Variants in ULK4 observed in about 807,000 individuals in gnomAD.
The protein encoded by ULK4 is unc-51 like kinase 4.
A neutral mutation model predicts 160.6 loss-of-function variants in ULK4; 133 were observed. That is an observed-to-expected ratio of 0.83 (90% CI 0.72 to 0.96). The LOEUF (loss-of-function observed/expected upper bound fraction) is 0.96, where lower values mean the gene tolerates loss of function less well. Ranked by LOEUF, ULK4 falls within the 40% of genes least tolerant of loss-of-function variation. The probability of loss-of-function intolerance (pLI) is 0.00; values close to 1 mark genes in which losing one functional copy is unlikely to be tolerated. For missense variants in ULK4, 1,580 were observed against 1,499.5 expected, an observed-to-expected ratio of 1.05 and a Z score of -0.89; for synonymous variants, 534 against 539.8, an observed-to-expected ratio of 0.99 and a Z score of 0.15.
At position 41,340,520 on chromosome 3, in the gene ULK4, T is replaced by C. The variant is rs183733508; in HGVS notation, c.3678+57559A>G. ...TTGTCTACTCTGGGCCAAAAAGGAA[T>C]TAACTAGATCAGCACTATCTAATAT... On this transcript the variant is annotated intron_variant, in intron 35 of 36. Transcript: ENST00000301831. 2.3e-3 allele frequency among the ~76,000 whole-genome samples: 352 copies of C among 152,380 alleles called. 3 individuals are homozygous for C. Among genetic ancestry groups the C allele is most frequent in the African/African-American group, 7.9e-3 (330 of 41,594 alleles).
chr3:41,824,600 C>A (rs916444085), intron 18 of ULK4, among the ~76,000 whole-genome samples: 1 of 152,152 alleles, frequency 6.6e-6, no homozygotes, highest in Non-Finnish European at 1.5e-5. Flanking sequence ...AACTGCAAGG[C>A]AGCAGCGATG....
intron 34 of ULK4, among the ~76,000 whole-genome samples, chr3:41,446,032 AAAAC>A (rs1382391589): frequency 2.1e-4 from 32 of 152,284 alleles, no homozygotes; most frequent in East Asian, 3.9e-4. Context: ...TTACAAGAAA[AAAAC>A]AAACAACCCC....
chr3:41,421,721 T>C (rs1314864291), intron 34 of ULK4, among the ~76,000 whole-genome samples: 1 of 152,172 alleles, frequency 6.6e-6, no homozygotes, highest in East Asian at 1.9e-4. Flanking sequence ...TCTTCAATTG[T>C]TCTGTGCTGT....
chr3:41,328,205 G>C (rs1334559020), intron 35 of ULK4, among the ~76,000 whole-genome samples: 1 of 152,212 alleles, frequency 6.6e-6, no homozygotes, highest in Non-Finnish European at 1.5e-5. Context: ...TCAGCAGCAT[G>C]TGCAAAAAGA....
chr3:41,434,541 T>C (rs1199316225), intron 34 of ULK4, among the ~76,000 whole-genome samples: 3 of 152,170 alleles, frequency 2.0e-5, no homozygotes, highest in Non-Finnish European at 4.4e-5. Flanking sequence ...TTCAAAGAGT[T>C]TGAATTATTT....
intron 21 of ULK4, among the ~76,000 whole-genome samples, chr3:41,773,524 G>T (rs1403045005): frequency 6.6e-6 from 1 of 152,068 alleles, no homozygotes; most frequent in Non-Finnish European, 1.5e-5. Flanking sequence ...GGGATGTCAA[G>T]GACCTCTTCA....
chr3:41,535,542 T>C (rs1239915622), intron 32 of ULK4, among the ~76,000 whole-genome samples: 1 of 152,188 alleles, frequency 6.6e-6, no homozygotes, highest in Non-Finnish European at 1.5e-5. Flanking sequence ...ATGCAATAAA[T>C]ATATAAACCA....
At chr3:41,502,776 C>T (rs2085254621) in intron 32 of ULK4, among the ~76,000 whole-genome samples, 1 of 152,032 alleles carries the variant, frequency 6.6e-6, no homozygotes, top group Non-Finnish European at 1.5e-5. Context: ...TAGTGGTTCC[C>T]AGGAAGTGGG....
Position 41,862,421 on chromosome 3 carries a change from G to A in ULK4, c.1656+21453C>T, listed in dbSNP as rs1053653106. Among the ~76,000 whole-genome samples the A allele has an allele frequency of 1.1e-4, 17 of 151,720 alleles. 1 individual carries two copies. The highest frequency in any genetic ancestry group is 1.2e-4 in the Non-Finnish European group (8 of 67,940). ...CGTGCCTTATTTATAAAGTTCATTG[G>A]TGAGGTCATGTTTTCCTGGATGGTG... is the stretch of plus-strand genomic sequence containing the variant. On this transcript the variant is annotated intron_variant, in intron 17 of 36. Transcript: ENST00000301831.
At chr3:41,560,980 G>T (rs909679381) in intron 32 of ULK4, among the ~76,000 whole-genome samples, 2 of 152,180 alleles carry the variant, frequency 1.3e-5, no homozygotes, top group Non-Finnish European at 2.9e-5. Context: ...TGCCCACTCA[G>T]TATGATATTG....
intron 35 of ULK4, among the ~76,000 whole-genome samples, chr3:41,357,834 A>G (rs1237838527): frequency 6.6e-6 from 1 of 152,226 alleles, no homozygotes; most frequent in Admixed American, 6.5e-5. Context: ...GGAGGATCCA[A>G]AGATGAACAA....
At position 41,419,532 on chromosome 3, in the gene ULK4, T is replaced by C. The variant is rs547136198; in HGVS notation, c.3493-21268A>G. ...ATGGAAAGCAAGCAGCTGAATGACA[T>C]CACTTGTGGTGAGAGGTGGTAACAC... On this transcript the variant is annotated intron_variant, in intron 34 of 36. Coordinates refer to ENST00000301831, the MANE Select transcript of ULK4 (RefSeq NM_017886.4). Among the ~76,000 whole-genome samples, 11 of 152,246 alleles carry C rather than the reference T, an allele frequency of 7.2e-5. No homozygotes were observed. The South Asian group carries it at 2.3e-3, about 32-fold the overall frequency.
intron 33 of ULK4, among the ~76,000 whole-genome samples, chr3:41,458,778 T>G (rs1386990751): frequency 6.6e-6 from 1 of 152,198 alleles, no homozygotes; most frequent in Non-Finnish European, 1.5e-5. Flanking sequence ...CTTTTTGAGA[T>G]GCAGTCTCTC....
chr3:41,853,094 C>G (rs1183191050), intron 17 of ULK4, among the ~76,000 whole-genome samples: 1 of 152,200 alleles, frequency 6.6e-6, no homozygotes, highest in Non-Finnish European at 1.5e-5. Context: ...CCAGCATACT[C>G]TGGAGCAGTG....
At chr3:41,763,483 C>A (rs2039056774) in intron 21 of ULK4, among the ~76,000 whole-genome samples, 2 of 152,098 alleles carry the variant, frequency 1.3e-5, no homozygotes, top group South Asian at 4.2e-4. Context: ...GGGCAATTAC[C>A]ATTGCTGGCT....
intron 4 of ULK4, 38 bp downstream of exon 4, chr3:41,935,763 C>T (rs1699757244): frequency 6.3e-7 from 1 of 1,580,430 alleles, no homozygotes; most frequent in Non-Finnish European, 8.6e-7. Flanking sequence ...TAATTTGAGA[C>T]AGAAGCAGTT....
intron 35 of ULK4, among the ~76,000 whole-genome samples, chr3:41,271,994 G>C (rs2079145754): frequency 6.6e-6 from 1 of 152,110 alleles, no homozygotes. Context: ...GCGGCTCACT[G>C]CAACCTCTGC....
At chr3:41,634,473 G>A (rs1161584461) in intron 30 of ULK4, among the ~76,000 whole-genome samples, 1 of 152,070 alleles carries the variant, frequency 6.6e-6, no homozygotes, top group Non-Finnish European at 1.5e-5. Context: ...TCCATCCCTG[G>A]GTCACATGAG....
intron 34 of ULK4, among the ~76,000 whole-genome samples, chr3:41,414,816 G>A (rs1190471318): frequency 3.3e-5 from 5 of 152,120 alleles, no homozygotes; most frequent in African/African-American, 7.2e-5. Flanking sequence ...ACACTATTGC[G>A]CAGGGCCTTG....
Sources: allele counts gnomAD v4.1 joint callset (sites outside exome capture counted in the v4.1 genomes callset), GRCh38; gene constraint gnomAD v4.1.1; transcripts MANE v1.5; gene names NCBI Gene and HGNC (gene_info 2026-07-23, HGNC 2026-07-21).